Variants in TIMM44 observed in about 807,000 individuals in gnomAD.
TIMM44 encodes translocase of inner mitochondrial membrane 44, also known as mitochondrial import inner membrane translocase subunit TIM44.
Under a neutral mutation model 63.8 loss-of-function variants are expected in TIMM44, and 37 were observed. That is an observed-to-expected ratio of 0.58 (90% CI 0.45 to 0.76). TIMM44 has a LOEUF of 0.76. Ranked by LOEUF, TIMM44 falls within the 30% of genes least tolerant of loss-of-function variation. The pLI is 0.00. For synonymous variants in TIMM44, 239 were observed against 245.1 expected, an observed-to-expected ratio of 0.98 and a Z score of 0.23; for missense variants, 573 against 603.8, an observed-to-expected ratio of 0.95 and a Z score of 0.54.
chr19:7,941,124 C>T lies in TIMM44; in HGVS notation c.119G>A (p.Arg40Gln), dbSNP rs769166812. ...LPHGSTYQMR[R>Q]PGGELPLSKS... ...CACCAGTGGCAGCTCTCCGCCCGGC[C>T]GGCGCATCTGATAGGTCGACCCATG... The change falls in exon 2 of 13, where the codon CGG becomes CAG. Residue 40 changes from arginine to glutamine, a missense_variant. By Grantham distance (43) the Arg-to-Gln change is conservative. Transcript: ENST00000270538. 40 of 1,614,052 alleles carry T rather than the reference C, an allele frequency of 2.5e-5. No individual in the cohort carries two copies. In the Middle Eastern group the frequency reaches 5.0e-4, roughly 20 times the overall value.
rs1222996244 is a variant in TIMM44, at chr19:7,932,923, T to G, written c.779A>C (p.Glu260Ala). The G allele has an allele frequency of 6.2e-7, 1 of 1,614,042 alleles. No individual in the cohort carries two copies. Among genetic ancestry groups the G allele is most frequent in the Admixed American group, 1.7e-5 (1 of 60,026 alleles). Reference sequence around the variant, plus strand: ...GCTTTCGTCATACTTCATCTTCATCTCGAAGAACCCTGTGGAAGATGGGGT... The same window carrying G: ...GCTTTCGTCATACTTCATCTTCATCGCGAAGAACCCTGTGGAAGATGGGGT... The part of the protein sequence containing the change: ...ENNVVFNRFF[E>A]MKMKYDESDN... Residue 260 changes from glutamate (E) to alanine (A), a missense_variant, in exon 8 of 13, where the codon GAG becomes GCG. By Grantham distance (107) the Glu-to-Ala change is moderately radical. Transcript: ENST00000270538.
At chr19:7,940,858 T>C (rs1984288154) in intron 2 of TIMM44, among the ~76,000 whole-genome samples, 1 of 151,884 alleles carries the variant, frequency 6.6e-6, no homozygotes, top group African/African-American at 2.4e-5. Context: ...AGAGCCAACA[T>C]AAAGGGCTAT....
chr19:7,935,279 C>T (rs1390151043), intron 3 of TIMM44, 134 bp from the exon 4 acceptor site: 3 of 793,828 alleles, frequency 3.8e-6, no homozygotes, highest in Non-Finnish European at 4.1e-6. Flanking sequence ...GATTTTCCTG[C>T]CCCAGCCTCC....
Position 7,932,883 on chromosome 19 carries a change from G to A in TIMM44, c.819C>T (p.Ile273=), listed in dbSNP as rs1217110170. Residue 273 remains isoleucine (I), a synonymous_variant, in exon 8 of 13, where the codon ATC becomes ATT. Transcript: ENST00000270538. ...MKYDESDNAF[I]RASRALTDKV... is the part of the protein sequence containing the mutation. ...TGTCCGTAAGGGCCCGGGATGCCCG[G>A]ATGAACGCGTTGTCGCTTTCGTCAT... 1 of 1,614,232 alleles carries A rather than the reference G, an allele frequency of 6.2e-7. No homozygotes were observed. The highest frequency in any genetic ancestry group is 8.5e-7 in the Non-Finnish European group (1 of 1,180,036).
At position 7,938,099 on chromosome 19, in the gene TIMM44, A is replaced by G. The variant is rs965177591; in HGVS notation, c.240T>C (p.Ser80=). ...ELAKNKEMKE[S]IKKFRDEARR... ...TGGCCTCGTCACGGAATTTTTTTAT[A>G]CTTTCTTTCATTTCTTTGTTTTTGG... is the stretch of plus-strand genomic sequence containing the variant. Residue 80 remains serine (S), a synonymous_variant, in exon 3 of 13, where the codon AGT becomes AGC. Transcript: ENST00000270538. 1.9e-6 allele frequency: 3 copies of G among 1,613,880 alleles called. No individual in the cohort carries two copies. The highest frequency in any genetic ancestry group is 1.3e-5 in the African/African-American group (1 of 74,870).
rs904653186 is a variant in TIMM44 at position 7,933,405 on chromosome 19, G to A, written c.769+80C>T. On this transcript the variant is annotated intron_variant, in intron 7 of 12. Coordinates refer to ENST00000270538, the MANE Select transcript of TIMM44 (RefSeq NM_006351.4). This position sits in a 1 kb window ranked among gnomAD's most constrained non-coding sequence, Gnocchi z 4.3. ...CCTCTGCAAAACGGGGCTGTCTTGT[G>A]CCCAATGCAGGGGGATCACCTTGCG... 79 of 1,286,086 alleles carry A rather than the reference G, an allele frequency of 6.1e-5. No individual in the cohort carries two copies. Among genetic ancestry groups the A allele is most frequent in the Non-Finnish European group, 8.7e-5 (77 of 880,710 alleles). The allele number at this position is 1,286,086 out of a possible 1,614,324, so 79.7% of individuals were successfully genotyped here.
intron 9 of TIMM44, 133 bp from the exon 10 acceptor site, chr19:7,931,321 G>T: frequency 1.2e-6 from 1 of 816,090 alleles, no homozygotes; most frequent in Non-Finnish European, 2.2e-6. Flanking sequence ...CCTGTGGGGC[G>T]CGGGTGGAGC....
Position 7,943,641 on chromosome 19 carries a change from G to C in TIMM44, c.11C>G (p.Ala4Gly), listed in dbSNP as rs984209645. Residue 4 changes from alanine to glycine, a missense_variant, in exon 1 of 13, where the codon GCG becomes GGG. Physicochemically the swap from Ala to Gly is moderately conservative, Grantham distance 60. Transcript: ENST00000270538. The surrounding 1 kb of genome is among the most constrained non-coding windows in gnomAD (Gnocchi z 4.3). ...GCGGCACCAGCCACTCCGCAGGGCCGCCGCCGCCATGTTGGAGAATCGTGT... is the reference window on the plus strand; with the variant it reads ...GCGGCACCAGCCACTCCGCAGGGCCCCCGCCGCCATGTTGGAGAATCGTGT... MAAAALRSGWCRCP... is the reference protein window; with the variant it reads MAAGALRSGWCRCP... 6.4e-7 allele frequency: 1 copy of C among 1,566,950 alleles called. No individual in the cohort carries two copies. The highest frequency in any genetic ancestry group is 1.8e-5 in the Admixed American group (1 of 55,470).
chr19:7,933,938 C>T lies in TIMM44; in HGVS notation c.609G>A (p.Arg203=), dbSNP rs761000150. 6.8e-6 allele frequency: 11 copies of T among 1,614,050 alleles called. No homozygotes were observed. In the Admixed American group the frequency reaches 1.5e-4, roughly 22 times the overall value. Residue 203 remains arginine, a synonymous_variant, in exon 6 of 13, where the codon AGG becomes AGA. Coordinates refer to ENST00000270538, the MANE Select transcript of TIMM44 (RefSeq NM_006351.4). This position sits in a 1 kb window ranked among gnomAD's most constrained non-coding sequence, Gnocchi z 4.3. ...SVLGQTGPYR[R]PQRLRKRTEF... Reference sequence around the variant, plus strand: ...CCGTTCTCTTCCGGAGTCGCTGGGGCCTCCGGTAGGGCCCGGTCTGTCCCA... The same window carrying T: ...CCGTTCTCTTCCGGAGTCGCTGGGGTCTCCGGTAGGGCCCGGTCTGTCCCA...
chr19:7,935,653 G>C (rs1490075636), intron 3 of TIMM44, among the ~76,000 whole-genome samples: 2 of 152,226 alleles, frequency 1.3e-5, no homozygotes, highest in African/African-American at 4.8e-5. Context: ...TCCTTGCTCA[G>C]AAGGCCGGCA....
In TIMM44 at chr19:7,934,236, G is replaced by A. The variant is rs55715900; in HGVS notation, c.396C>T (p.Ser132=). 0.023 allele frequency: 36,671 copies of A among 1,611,664 alleles called. 509 individuals carry two copies. Among genetic ancestry groups the A allele is most frequent in the Non-Finnish European group, 0.027 (31,916 of 1,179,970 alleles). ...GATCACTTTTACTGACTTCGTGAAGGCTCTACTGAGACAGACACAGAGAGG... is the reference window on the plus strand; with the variant it reads ...GATCACTTTTACTGACTTCGTGAAGACTCTACTGAGACAGACACAGAGAGG... ...LGELTGTVKE[S]LHEVSKSDLG... The change falls in exon 5 of 13, where the codon AGC becomes AGT. Residue 132 remains serine, a splice_region_variant and synonymous_variant. Transcript: ENST00000270538. This position sits in a 1 kb window ranked among gnomAD's most constrained non-coding sequence, Gnocchi z 5.3.
intron 9 of TIMM44, 86 bp downstream of exon 9, chr19:7,932,541 C>A: frequency 6.4e-7 from 1 of 1,572,448 alleles, no homozygotes; most frequent in East Asian, 2.2e-5. Context: ...AGTTCCCTGG[C>A]AGCACCCAGG....
chr19:7,932,505 T>C, intron 9 of TIMM44, 122 bp downstream of exon 9: 1 of 1,410,936 alleles, frequency 7.1e-7, no homozygotes, highest in Non-Finnish European at 9.8e-7. Context: ...GCAACCAGCC[T>C]CCTCAGAAAA....
chr19:7,929,402 G>A (rs895735934), intron 10 of TIMM44, among the ~76,000 whole-genome samples: 3 of 152,206 alleles, frequency 2.0e-5, no homozygotes, highest in Admixed American at 2.0e-4. Flanking sequence ...CATGTCGTGA[G>A]GACAGCTAGA....
Position 7,938,250 on chromosome 19 carries a change from T to C in TIMM44, c.142-53A>G, listed in dbSNP as rs1984212177. 1.1e-5 allele frequency: 16 copies of C among 1,474,770 alleles called. No homozygotes were observed. In the South Asian group the frequency reaches 1.9e-4, roughly 18 times the overall value. 91.4% of individuals were successfully genotyped at this position (1,474,770 alleles called of 1,614,324 possible). On this transcript the variant is annotated intron_variant, in intron 2 of 12. Transcript: ENST00000270538. ...TTAAAGAACATAGTAGAACATAGAA[T>C]GAAATGCCCCACAGAGGGACTCAGG...
intron 2 of TIMM44, among the ~76,000 whole-genome samples, chr19:7,939,867 T>C (rs1984257035): frequency 6.6e-6 from 1 of 151,232 alleles, no homozygotes; most frequent in African/African-American, 2.4e-5. Flanking sequence ...GAGCGGTATC[T>C]CGCCCCTGCA....
intron 3 of TIMM44, among the ~76,000 whole-genome samples, chr19:7,935,891 G>A (rs1482819029): frequency 6.6e-6 from 1 of 152,186 alleles, no homozygotes; most frequent in Non-Finnish European, 1.5e-5. Flanking sequence ...CTGGGCATGT[G>A]AGCTGTAGTC....
In TIMM44 at chr19:7,941,205, G is replaced by A. The variant is rs192670629; in HGVS notation, c.46-8C>T. 1.9e-6 allele frequency: 3 copies of A among 1,605,026 alleles called. No individual in the cohort carries two copies. The highest frequency in any genetic ancestry group is 2.2e-5 in the East Asian group (1 of 44,828). Reference sequence around the variant, plus strand: ...TCCACTGCCGAGGCATCTCTAATTGGGGGGAGAGAAGAGAAAGATCCATTC... The same window carrying A: ...TCCACTGCCGAGGCATCTCTAATTGAGGGGAGAGAAGAGAAAGATCCATTC... On this transcript the variant is annotated splice_polypyrimidine_tract_variant and splice_region_variant and intron_variant, in intron 1 of 12. Coordinates refer to ENST00000270538, the MANE Select transcript of TIMM44 (RefSeq NM_006351.4).
At position 7,927,067 on chromosome 19, in the gene TIMM44, G is replaced by T; in HGVS notation, c.*120C>A. 7.0e-7 allele frequency: 1 copy of T among 1,427,492 alleles called. No homozygotes were observed. Among genetic ancestry groups the T allele is most frequent in the Non-Finnish European group, 9.5e-7 (1 of 1,051,978 alleles). 88.4% of individuals were successfully genotyped at this position (1,427,492 alleles called of 1,614,324 possible). A position where few individuals can be genotyped will look rare whatever the true frequency, so the allele number is the denominator to read the frequency against. ...GCCAGCTGGTCTTGCAGCCGTCCTG[G>T]CAGAGCTGGGGGCAGAGCCCGCAGT... On this transcript the variant is annotated 3_prime_UTR_variant, in exon 13 of 13. Transcript: ENST00000270538.
Sources: gnomAD v4.1 joint callset for allele counts (sites outside exome capture counted in the v4.1 genomes callset) on GRCh38, gnomAD v4.1.1 for gene constraint, Gnocchi (gnomAD v3.1) non-coding constraint, MANE v1.5 for transcripts, NCBI Gene and HGNC (gene_info 2026-07-23, HGNC 2026-07-21) for gene names.